Variants in NDNF observed in about 807,000 individuals in gnomAD.
The protein encoded by NDNF is neuron derived neurotrophic factor.
NDNF carries 16 observed loss-of-function variants against 42.0 expected under a neutral mutation model. The ratio of observed to expected loss-of-function variants is 0.38; its 90% CI spans 0.26 to 0.58. The LOEUF (loss-of-function observed/expected upper bound fraction) is 0.58. NDNF is among the 20% of genes least tolerant of loss of function. The pLI is 0.67. For missense variants in NDNF, 616 were observed against 666.2 expected (o/e 0.92, Z 0.83); for synonymous variants, 248 against 251.7 (o/e 0.99, Z 0.14).
intron 1 of NDNF, among the ~76,000 whole-genome samples, chr4:121,066,404 A>G (rs1727500405): frequency 2.0e-5 from 3 of 152,188 alleles, no homozygotes; most frequent in Admixed American, 6.5e-5. Context: ...TACACTCCAG[A>G]AGTCACCATA....
At chr4:121,045,565 C>A (rs1310043247) in intron 2 of NDNF, 85 bp downstream of exon 2, 1 of 1,194,584 alleles carries the variant, frequency 8.4e-7, no homozygotes, top group African/African-American at 1.5e-5. Flanking sequence ...TTGTAAATTA[C>A]CTAAACTAAG....
At chr4:121,055,438 A>T (rs1727275791) in intron 1 of NDNF, among the ~76,000 whole-genome samples, 1 of 152,208 alleles carries the variant, frequency 6.6e-6, no homozygotes, top group Admixed American at 6.5e-5. Context: ...TAACACATTG[A>T]TTATAGGAAC....
At chr4:121,054,383 T>C (rs552857634) in intron 1 of NDNF, among the ~76,000 whole-genome samples, 4 of 152,326 alleles carry the variant, frequency 2.6e-5, no homozygotes, top group Admixed American at 2.6e-4. Flanking sequence ...TGCCAGGTAC[T>C]CTTCTAGGAA....
intron 1 of NDNF, among the ~76,000 whole-genome samples, chr4:121,051,258 A>C (rs1727189467): frequency 6.6e-6 from 1 of 152,176 alleles, no homozygotes; most frequent in Non-Finnish European, 1.5e-5. Context: ...TCCAGTTTTA[A>C]AGAAAATGTC....
intron 1 of NDNF, among the ~76,000 whole-genome samples, chr4:121,059,889 G>A (rs997388119): frequency 1.3e-5 from 2 of 152,156 alleles, no homozygotes; most frequent in Non-Finnish European, 2.9e-5. Flanking sequence ...ATAGCCAGGT[G>A]ATGGGTGGGT....
At chr4:121,068,753 C>T (rs978331812) in intron 1 of NDNF, among the ~76,000 whole-genome samples, 7 of 151,980 alleles carry the variant, frequency 4.6e-5, no homozygotes, top group African/African-American at 1.5e-4. Flanking sequence ...TGGTCACTAT[C>T]GACCACCTTA....
intron 1 of NDNF, chr4:121,071,564 C>A: frequency 6.6e-6 from 1 of 152,328 alleles, no homozygotes; most frequent in Non-Finnish European, 1.5e-5. Context: ...CAACAGCCCT[C>A]TTGGCAGGCG....
intron 1 of NDNF, among the ~76,000 whole-genome samples, chr4:121,071,159 T>C (rs540619818): frequency 6.6e-6 from 1 of 152,074 alleles, no homozygotes; most frequent in South Asian, 2.1e-4. Context: ...GTTAGAAAGG[T>C]AGCGCGGGTG....
At chr4:121,057,947 G>T (rs1727326212) in intron 1 of NDNF, among the ~76,000 whole-genome samples, 1 of 152,164 alleles carries the variant, frequency 6.6e-6, no homozygotes, top group Non-Finnish European at 1.5e-5. Context: ...GGCCAATAAG[G>T]TGGAATTACA....
chr4:121,050,565 G>C (rs1201033985), intron 1 of NDNF, among the ~76,000 whole-genome samples: 2 of 152,136 alleles, frequency 1.3e-5, no homozygotes, highest in Non-Finnish European at 2.9e-5. Context: ...AAGTTGCTAG[G>C]ATAATTCCAA....
chr4:121,068,155 T>C (rs1727531860), intron 1 of NDNF, among the ~76,000 whole-genome samples: 1 of 152,250 alleles, frequency 6.6e-6, no homozygotes. Context: ...CATGATTATT[T>C]TTTAACAACA....
rs1421707765 is a variant in NDNF at position 121,036,361 on chromosome 4, G to A, written c.1610C>T (p.Pro537Leu). 6.2e-7 allele frequency: 1 copy of A among 1,614,088 alleles called. No individual in the cohort carries two copies. Among genetic ancestry groups the A allele is most frequent in the East Asian group, 2.2e-5 (1 of 44,880 alleles). Residue 537 changes from proline to leucine, a missense_variant, in exon 4 of 4, where the codon CCT becomes CTT. Transcript: ENST00000379692. ...AACATCCAGCAGGTAAGATTTGCCA[G>A]GCTGAAGACCTTTAATTGTTTCTGT... ...VTTETIKGLQ[P>L]GKSYLLDVYV...
intron 1 of NDNF, among the ~76,000 whole-genome samples, chr4:121,059,516 C>T (rs1263222509): frequency 6.6e-6 from 1 of 152,184 alleles, no homozygotes; most frequent in Non-Finnish European, 1.5e-5. Context: ...AAGGGGACAT[C>T]ACGGATATCC....
At chr4:121,058,279 G>A (rs1472386679) in intron 1 of NDNF, among the ~76,000 whole-genome samples, 1 of 152,166 alleles carries the variant, frequency 6.6e-6, no homozygotes, top group Non-Finnish European at 1.5e-5. Context: ...AAAGAAGTTA[G>A]GGGCGGCTGT....
chr4:121,039,783 C>T, intron 3 of NDNF, 147 bp downstream of exon 3: 1 of 843,008 alleles, frequency 1.2e-6, no homozygotes, highest in Non-Finnish European at 1.7e-6. Flanking sequence ...TGCCACCCTC[C>T]CACTTCCCTT....
At chr4:121,059,949 C>A (rs1016147009) in intron 1 of NDNF, among the ~76,000 whole-genome samples, 2 of 152,064 alleles carry the variant, frequency 1.3e-5, no homozygotes, top group Non-Finnish European at 2.9e-5. Flanking sequence ...TTGAAACTCC[C>A]AAACTATGAA....
At chr4:121,063,428 C>CT (rs1222264830) in intron 1 of NDNF, among the ~76,000 whole-genome samples, 1 of 152,090 alleles carries the variant, frequency 6.6e-6, no homozygotes, top group African/African-American at 2.4e-5. Flanking sequence ...AAGGCTTTGT[C>CT]TATTACACAT....
chr4:121,056,989 G>A (rs1727307225), intron 1 of NDNF, among the ~76,000 whole-genome samples: 1 of 152,192 alleles, frequency 6.6e-6, no homozygotes, highest in Non-Finnish European at 1.5e-5. Flanking sequence ...ATACAAGTAG[G>A]GCATTTACTG....
chr4:121,049,442 T>C (rs1727152565), intron 1 of NDNF, among the ~76,000 whole-genome samples: 1 of 152,190 alleles, frequency 6.6e-6, no homozygotes. Flanking sequence ...TGCATCATCC[T>C]GTGGGAAGTG....
Sources: gnomAD v4.1 joint callset for allele counts (sites outside exome capture counted in the v4.1 genomes callset) on GRCh38, gnomAD v4.1.1 for gene constraint, MANE v1.5 for transcripts, NCBI Gene and HGNC (gene_info 2026-07-23, HGNC 2026-07-21) for gene names.